The following STAMBP variants were observed in gnomAD, a reference collection of about 807,000 sequenced individuals.
The protein encoded by STAMBP is STAM binding protein, also known as STAM-binding protein.
In STAMBP, 31 loss-of-function variants were observed where a neutral mutation model predicts 50.7. That is an observed-to-expected ratio of 0.61 (90% CI 0.46 to 0.83). STAMBP has a LOEUF of 0.83. Ranked by LOEUF, STAMBP falls within the 40% of genes least tolerant of loss-of-function variation. STAMBP has a pLI of 0.00. For missense variants in STAMBP, 472 were observed against 518.9 expected, an observed-to-expected ratio of 0.91 and a Z score of 0.88; for synonymous variants, 211 against 192.4, an observed-to-expected ratio of 1.10 and a Z score of -0.80.
rs994490113 is a variant in STAMBP at position 73,844,748 on chromosome 2, T to G, written c.204-65T>G. ...AGGGCTTCAGGATAAGGGGGTTGCA[T>G]AGCTTTAGGGTCTTATGGACATTTG... is the stretch of plus-strand genomic sequence containing the variant. On this transcript the variant is annotated intron_variant, in intron 2 of 9. Transcript: ENST00000394070. 2.8e-6 allele frequency: 4 copies of G among 1,408,502 alleles called. No individual in the cohort carries two copies. The East Asian group carries it at 9.3e-5, about 33-fold the overall frequency. 87.3% of individuals were successfully genotyped at this position (1,408,502 alleles called of 1,614,324 possible).
At position 73,849,352 on chromosome 2, in the gene STAMBP, C is replaced by T; in HGVS notation, c.743-11C>T. ...CAGTGGTCGCAGACTATTCTCCTTT[C>T]TCCTTTACAGTTCCCACAATCGATG... On this transcript the variant is annotated splice_polypyrimidine_tract_variant and intron_variant, in intron 5 of 9. Transcript: ENST00000394070. The T allele has an allele frequency of 6.2e-7, 1 of 1,613,788 alleles. No individual in the cohort carries two copies. The highest frequency in any genetic ancestry group is 8.5e-7 in the Non-Finnish European group (1 of 1,179,998).
chr2:73,859,974 GGT>G, intron 8 of STAMBP, 76 bp from the exon 9 acceptor site: 36 of 967,868 alleles, frequency 3.7e-5, no homozygotes, highest in South Asian at 5.5e-5. Context: ...TGTGCATGCT[GGT>G]GTGTGTGTGC....
intron 4 of STAMBP, among the ~76,000 whole-genome samples, chr2:73,846,892 G>A (rs1252956210): frequency 6.6e-6 from 1 of 151,914 alleles, no homozygotes; most frequent in African/African-American, 2.4e-5. Flanking sequence ...GACTAGCCTG[G>A]GCAACATGGC....
intron 2 of STAMBP, among the ~76,000 whole-genome samples, chr2:73,837,334 C>A (rs889313318): frequency 1.3e-5 from 2 of 152,008 alleles, no homozygotes; most frequent in Non-Finnish European, 2.9e-5. Flanking sequence ...GCCTGTAATC[C>A]CAGCACTTTG....
In STAMBP at chr2:73,850,273, G is replaced by T; in HGVS notation, c.868-103G>T. 2.1e-6 allele frequency: 3 copies of T among 1,434,166 alleles called. No homozygotes were observed. The South Asian group carries it at 4.4e-5, about 21-fold the overall frequency. 88.8% of individuals were successfully genotyped at this position (1,434,166 alleles called of 1,614,324 possible). ...GCAGGACTCCTGCTGTGTGGGAAGGGCTTTCACTTGTATAGATGCTTACCT... is the reference window on the plus strand; with the variant it reads ...GCAGGACTCCTGCTGTGTGGGAAGGTCTTTCACTTGTATAGATGCTTACCT... On this transcript the variant is annotated intron_variant, in intron 6 of 9. Coordinates refer to ENST00000394070, the MANE Select transcript of STAMBP (RefSeq NM_213622.4). The surrounding 1 kb of genome is among the most constrained non-coding windows in gnomAD (Gnocchi z 4.3).
intron 2 of STAMBP, among the ~76,000 whole-genome samples, 155 bp downstream of exon 2, chr2:73,831,214 C>T (rs1673877733): frequency 6.6e-6 from 1 of 152,240 alleles, no homozygotes; most frequent in African/African-American, 2.4e-5. Flanking sequence ...CGTTCAAAGA[C>T]ATGAGTGCTG....
At chr2:73,843,465 C>A (rs1308197348) in intron 2 of STAMBP, among the ~76,000 whole-genome samples, 2 of 148,534 alleles carry the variant, frequency 1.3e-5, no homozygotes, top group African/African-American at 5.1e-5. Flanking sequence ...GACAAGGTCT[C>A]ACCCTGTTAC....
intron 2 of STAMBP, among the ~76,000 whole-genome samples, chr2:73,834,067 C>T (rs929277324): frequency 2.0e-5 from 3 of 150,602 alleles, no homozygotes; most frequent in South Asian, 4.2e-4. Flanking sequence ...AAAAATTAGC[C>T]TGGTGTGGTG....
At chr2:73,858,919 A>ACC (rs111772507) in intron 7 of STAMBP, among the ~76,000 whole-genome samples, 19 of 151,186 alleles carry the variant, frequency 1.3e-4, no homozygotes, top group African/African-American at 4.4e-4. Context: ...ATGAGCCCAG[A>ACC]CCCCCCAATG....
chr2:73,837,307 C>G (rs919588745), intron 2 of STAMBP, among the ~76,000 whole-genome samples: 1 of 152,080 alleles, frequency 6.6e-6, no homozygotes. Flanking sequence ...CACATTAGGC[C>G]GGGCACAGTG....
intron 2 of STAMBP, among the ~76,000 whole-genome samples, chr2:73,835,856 A>G (rs1249251581): frequency 1.3e-5 from 2 of 152,108 alleles, no homozygotes; most frequent in Non-Finnish European, 2.9e-5. Flanking sequence ...CCAAGTAGAG[A>G]TGTCAAGTGG....
rs1416047678 is a variant in STAMBP at position 73,862,768 on chromosome 2, C to T, written c.*509C>T. On this transcript the variant is annotated 3_prime_UTR_variant, in exon 10 of 10. Coordinates refer to ENST00000394070, the MANE Select transcript of STAMBP (RefSeq NM_213622.4). ...TTACTGGGGTGAGGGACAGCTTACTCCATTTGACCAGATTGTTTGGCTAAC... is the reference window on the plus strand; with the variant it reads ...TTACTGGGGTGAGGGACAGCTTACTTCATTTGACCAGATTGTTTGGCTAAC... 6.6e-6 allele frequency: 1 copy of T among 152,552 alleles called. No individual in the cohort carries two copies. Among genetic ancestry groups the T allele is most frequent in the African/African-American group, 2.4e-5 (1 of 41,418 alleles). 9.4% of individuals were successfully genotyped at this position (152,552 alleles called of 1,614,324 possible).
intron 1 of STAMBP, among the ~76,000 whole-genome samples, chr2:73,830,413 G>A (rs1274985346): frequency 6.6e-6 from 1 of 152,246 alleles, no homozygotes; most frequent in Non-Finnish European, 1.5e-5. Flanking sequence ...CAATCCTCAA[G>A]AAAGTTCACT....
intron 1 of STAMBP, among the ~76,000 whole-genome samples, chr2:73,830,503 C>A (rs1558551407): frequency 6.6e-6 from 1 of 152,200 alleles, no homozygotes. Context: ...AGATGCTGTT[C>A]CCACTTTTAC....
chr2:73,847,252 G>A, intron 4 of STAMBP, 135 bp from the exon 5 acceptor site: 1 of 1,096,952 alleles, frequency 9.1e-7, no homozygotes, highest in Admixed American at 2.7e-5. Context: ...ACTGAGGAAA[G>A]CATGAATTCT....
At chr2:73,846,817 C>T (rs907691369) in intron 4 of STAMBP, among the ~76,000 whole-genome samples, 2 of 152,018 alleles carry the variant, frequency 1.3e-5, no homozygotes, top group Admixed American at 1.3e-4. Context: ...CATTGTGGCT[C>T]ACACCTGGAA....
In STAMBP at chr2:73,866,251, A is replaced by C. The variant is rs1382744751; in HGVS notation, c.*3992A>C. On this transcript the variant is annotated 3_prime_UTR_variant, in exon 10 of 10. Transcript: ENST00000394070. ...TCCAGCACTGTGACGCTACATAACC[A>C]TGGGCTCTGTCCTTCCAGTTCCTTT... 2 of 152,218 alleles carry C rather than the reference A, an allele frequency of 1.3e-5. No individual in the cohort carries two copies. Among genetic ancestry groups the C allele is most frequent in the African/African-American group, 4.8e-5 (2 of 41,456 alleles). 9.4% of individuals were successfully genotyped at this position (152,218 alleles called of 1,614,324 possible).
chr2:73,829,073 G>A lies in STAMBP; in HGVS notation c.-450G>A, dbSNP rs1395879629. The A allele has an allele frequency of 6.6e-6, 1 of 152,298 alleles. No homozygotes were observed. The highest frequency in any genetic ancestry group is 1.5e-5 in the Non-Finnish European group (1 of 68,108). The allele number at this position is 152,298 out of a possible 1,614,324, so 9.4% of individuals were successfully genotyped here. ...GACTTTGAAGGGGATCGGCCGCCGTGAGTGTGGGGCCTGCAGCCTACTCTC... is the reference window on the plus strand; with the variant it reads ...GACTTTGAAGGGGATCGGCCGCCGTAAGTGTGGGGCCTGCAGCCTACTCTC... On this transcript the variant is annotated 5_prime_UTR_variant, in exon 1 of 10. Coordinates refer to ENST00000394070, the MANE Select transcript of STAMBP (RefSeq NM_213622.4).
chr2:73,835,983 T>C (rs1219168223), intron 2 of STAMBP, among the ~76,000 whole-genome samples: 2 of 152,138 alleles, frequency 1.3e-5, no homozygotes, highest in Admixed American at 1.3e-4. Context: ...AGATTTTCTT[T>C]TTCTTTTTTT....
Sources: allele counts gnomAD v4.1 joint callset (sites outside exome capture counted in the v4.1 genomes callset), GRCh38; gene constraint gnomAD v4.1.1; non-coding constraint Gnocchi (gnomAD v3.1); transcripts MANE v1.5; gene names NCBI Gene and HGNC (gene_info 2026-07-23, HGNC 2026-07-21).